Variants in VAV3 observed in about 807,000 individuals in gnomAD.
VAV3 encodes the protein guanine nucleotide exchange factor VAV3.
A neutral mutation model predicts 131.2 loss-of-function variants in VAV3; 94 were observed. That is an observed-to-expected ratio of 0.72 (90% confidence interval 0.61 to 0.85). VAV3 has a LOEUF of 0.85. Ranked by LOEUF, VAV3 falls within the 40% of genes least tolerant of loss-of-function variation. The probability of loss-of-function intolerance (pLI) is 0.00; values close to 1 mark genes in which losing one functional copy is unlikely to be tolerated. For synonymous variants in VAV3, 349 were observed against 342.0 expected (o/e 1.02, Z -0.22); for missense variants, 939 against 1,002.7 (o/e 0.94, Z 0.86).
intron 2 of VAV3, among the ~76,000 whole-genome samples, chr1:107,806,127 C>T (rs1238737224): frequency 1.3e-5 from 2 of 152,124 alleles, no homozygotes; most frequent in African/African-American, 4.8e-5. Context: ...TCCAGTTGTC[C>T]TCAGGGATAT....
rs1187280612 is a variant in VAV3, at chr1:107,687,463, T to G, written c.1731+918A>C. Among the ~76,000 whole-genome samples the G allele has an allele frequency of 3.9e-5, 6 of 152,282 alleles. No individual in the cohort carries two copies. The East Asian group carries it at 1.2e-3, about 29-fold the overall frequency. ...CATAATTTTCATCGTTACTTTGAAA[T>G]TTTCAGATTACTGTACTTTTGGTTC... On this transcript the variant is annotated intron_variant, in intron 18 of 26. Transcript: ENST00000370056.
intron 1 of VAV3, among the ~76,000 whole-genome samples, chr1:107,923,216 C>A (rs951382453): frequency 1.3e-5 from 2 of 152,094 alleles, no homozygotes; most frequent in Non-Finnish European, 2.9e-5. Context: ...TATTTCTGTG[C>A]GTTTGGGTTT....
At chr1:107,920,465 G>A (rs565063518) in intron 1 of VAV3, among the ~76,000 whole-genome samples, 4 of 152,224 alleles carry the variant, frequency 2.6e-5, no homozygotes, top group Admixed American at 2.6e-4. Flanking sequence ...ATATTGCCTT[G>A]GAGGGAGAGA....
At chr1:107,879,283 G>C (rs1670652075) in intron 1 of VAV3, among the ~76,000 whole-genome samples, 1 of 152,240 alleles carries the variant, frequency 6.6e-6, no homozygotes, top group Non-Finnish European at 1.5e-5. Flanking sequence ...TAGAATACAA[G>C]AGCCAATTAC....
intron 18 of VAV3, among the ~76,000 whole-genome samples, chr1:107,685,039 C>T (rs1394993261): frequency 1.3e-5 from 2 of 152,012 alleles, no homozygotes. Context: ...GATTTTATAC[C>T]TGCTACTATC....
At position 107,814,688 on chromosome 1, in the gene VAV3, T is replaced by C. The variant is rs192860243; in HGVS notation, c.322-35196A>G. The stretch of plus-strand genomic sequence containing the variant: ...GCCTGTGCTTCTGATGTCTTAGCCA[T>C]AAAATTTTTGCAAGATTAGTGGCCT... On this transcript the variant is annotated intron_variant, in intron 2 of 26. Transcript: ENST00000370056. Among the ~76,000 whole-genome samples, 13 of 152,328 alleles carry C rather than the reference T, an allele frequency of 8.5e-5. No individual in the cohort carries two copies. In the East Asian group the frequency reaches 1.5e-3, roughly 18 times the overall value.
chr1:107,624,818 G>T (rs1653886409), intron 20 of VAV3, among the ~76,000 whole-genome samples: 1 of 152,148 alleles, frequency 6.6e-6, no homozygotes. Context: ...ATATGCACAA[G>T]GCACTGTGTT....
intron 2 of VAV3, among the ~76,000 whole-genome samples, chr1:107,847,956 C>T (rs901658779): frequency 2.0e-5 from 3 of 152,074 alleles, no homozygotes; most frequent in African/African-American, 7.2e-5. Context: ...AGAGACACAA[C>T]AAAAAACAGA....
intron 25 of VAV3, among the ~76,000 whole-genome samples, chr1:107,592,230 G>A (rs773817944): frequency 1.3e-5 from 2 of 151,978 alleles, no homozygotes; most frequent in Non-Finnish European, 2.9e-5. Context: ...CAATTATTTT[G>A]CAGAATGTCT....
intron 15 of VAV3, among the ~76,000 whole-genome samples, chr1:107,713,316 T>A (rs1385207390): frequency 6.6e-6 from 1 of 152,032 alleles, no homozygotes; most frequent in Admixed American, 6.6e-5. Flanking sequence ...AAACAAAAGA[T>A]GGCTGGCCTC....
chr1:107,735,797 C>T (rs1158835756), intron 15 of VAV3, among the ~76,000 whole-genome samples: 1 of 152,154 alleles, frequency 6.6e-6, no homozygotes, highest in Non-Finnish European at 1.5e-5. Context: ...GTGGTACATT[C>T]CTTCTGAAAC....
intron 1 of VAV3, among the ~76,000 whole-genome samples, chr1:107,949,883 A>T (rs572187253): frequency 2.4e-4 from 36 of 152,208 alleles, no homozygotes; most frequent in Non-Finnish European, 5.0e-4. Context: ...GAGTATTGAT[A>T]AGTGACAGAA....
At chr1:107,842,025 C>T (rs970389909) in intron 2 of VAV3, among the ~76,000 whole-genome samples, 2 of 151,996 alleles carry the variant, frequency 1.3e-5, no homozygotes, top group Non-Finnish European at 1.5e-5. Flanking sequence ...AGTTTCACTA[C>T]CTAGTAATAA....
chr1:107,917,311 C>G (rs1672672515), intron 1 of VAV3, among the ~76,000 whole-genome samples: 1 of 152,152 alleles, frequency 6.6e-6, no homozygotes. Context: ...ACTCAGCATT[C>G]ACCACATACC....
chr1:107,892,371 A>C (rs1671350959), intron 1 of VAV3, among the ~76,000 whole-genome samples: 2 of 152,208 alleles, frequency 1.3e-5, no homozygotes, highest in Non-Finnish European at 2.9e-5. Context: ...GTACAAGATT[A>C]GATGCTAAAG....
intron 15 of VAV3, among the ~76,000 whole-genome samples, chr1:107,735,066 C>CACAACTACATGGAAACTGA (rs1553197481): frequency 6.6e-6 from 1 of 152,190 alleles, no homozygotes; most frequent in Non-Finnish European, 1.5e-5. Context: ...CACAGAACTG[C>CACAACTACATGGAAACTGA]ACAACTACAT....
chr1:107,928,982 T>C (rs1054241448), intron 1 of VAV3, among the ~76,000 whole-genome samples: 13 of 150,612 alleles, frequency 8.6e-5, no homozygotes, highest in African/African-American at 3.2e-4. Context: ...AAATCAAAGA[T>C]AAAGAAAGGA....
At chr1:107,617,702 T>C (rs987115351) in intron 20 of VAV3, 70 bp from the exon 21 acceptor site, 44 of 1,330,608 alleles carry the variant, frequency 3.3e-5, no homozygotes, top group African/African-American at 1.6e-4. Context: ...TGATGCCCCA[T>C]ACATAGCACT....
intron 15 of VAV3, among the ~76,000 whole-genome samples, chr1:107,722,343 T>C (rs1400072852): frequency 1.3e-5 from 2 of 152,174 alleles, no homozygotes; most frequent in Non-Finnish European, 2.9e-5. Context: ...TGTCCTGTGA[T>C]TTTGGGATTC....
Sources: allele counts gnomAD v4.1 joint callset (sites outside exome capture counted in the v4.1 genomes callset), GRCh38; gene constraint gnomAD v4.1.1; transcripts MANE v1.5; gene names NCBI Gene and HGNC (gene_info 2026-07-23, HGNC 2026-07-21).